DYRK4: variants seen among roughly 807,000 people sequenced by gnomAD.
DYRK4 encodes the protein dual specificity tyrosine-phosphorylation-regulated kinase 4.
In DYRK4, 64 loss-of-function variants were observed where a neutral mutation model predicts 68.3. That is an observed-to-expected ratio of 0.94 (90% CI 0.77 to 1.15). DYRK4 has a LOEUF of 1.15. DYRK4 is among the 50% of genes most tolerant of loss of function. The pLI, the probability that DYRK4 is intolerant of heterozygous loss-of-function variation, is 0.00. For synonymous variants in DYRK4, 274 were observed against 289.9 expected (o/e 0.95, Z 0.56); for missense variants, 740 against 764.7 (o/e 0.97, Z 0.38).
At chr12:4,562,718 A>G (rs181225076) in intron 1 of DYRK4, among the ~76,000 whole-genome samples, 3 of 152,282 alleles carry the variant, frequency 2.0e-5, no homozygotes, top group Admixed American at 2.0e-4. Context: ...CCTCGCGTGG[A>G]TGAGGCTCTG....
At chr12:4,581,362 G>T (rs550061086) in intron 2 of DYRK4, among the ~76,000 whole-genome samples, 2 of 152,200 alleles carry the variant, frequency 1.3e-5, no homozygotes, top group South Asian at 2.1e-4. Context: ...TGCCAGACAG[G>T]TTCTTCTTTC....
In DYRK4 at chr12:4,596,202, G is replaced by A. The variant is rs1444427647; in HGVS notation, c.681G>A (p.Lys227=). The change falls in exon 7 of 15, where the codon AAG becomes AAA. Residue 227 remains lysine (K), a synonymous_variant. Transcript: ENST00000543431. ...ATGAAGTTCTGGAGACAATCGGGAA[G>A]GGGTCCTTTGGACAGGTGGCCAAGT... ...YRYEVLETIG[K]GSFGQVAKCL... 3.1e-6 allele frequency: 5 copies of A among 1,614,084 alleles called. No individual in the cohort carries two copies. Among genetic ancestry groups the A allele is most frequent in the Non-Finnish European group, 2.5e-6 (3 of 1,180,046 alleles).
chr12:4,607,338 G>C lies in DYRK4; in HGVS notation c.1311G>C (p.Leu437=), dbSNP rs371657903. The change falls in exon 12 of 15, where the codon CTG becomes CTC. Residue 437 remains leucine (L), a synonymous_variant. Coordinates refer to ENST00000543431, the MANE Select transcript of DYRK4 (RefSeq NM_001394779.1). ...TTATCCTTATTAAGGTGCTGGGTCT[G>C]CCGCCAGCCGGCTTCATTCAGACAG... ...QLACIMEVLG[L]PPAGFIQTAS... is the part of the protein sequence containing the mutation. The C allele has an allele frequency of 3.3e-5, 53 of 1,614,200 alleles. No homozygotes were observed. In the South Asian group the frequency reaches 3.3e-4, roughly 10 times the overall value.
rs181045016 is a variant in DYRK4, at chr12:4,585,676, T to C, written c.133-3261T>C. On this transcript the variant is annotated intron_variant, in intron 2 of 14. Transcript: ENST00000543431. Reference sequence around the variant, plus strand: ...ATAACATTAGGAGATATACCTAATGTAAATGATGAGTTAATGGGTGCAGCA... The same window carrying C: ...ATAACATTAGGAGATATACCTAATGCAAATGATGAGTTAATGGGTGCAGCA... 3.5e-3 allele frequency among the ~76,000 whole-genome samples: 529 copies of C among 152,250 alleles called. 5 individuals carry two copies. The highest frequency in any genetic ancestry group is 0.023 in the Admixed American group (354 of 15,296).
chr12:4,612,691 C>T lies in DYRK4; in HGVS notation c.1639C>T (p.Gln547Ter), dbSNP rs535517489. The T allele has an allele frequency of 6.2e-7, 1 of 1,614,138 alleles. No individual in the cohort carries two copies. Among genetic ancestry groups the T allele is most frequent in the Admixed American group, 1.7e-5 (1 of 60,022 alleles). The change falls in exon 14 of 15, where the codon CAA (glutamine) becomes TAA (stop). Residue 547 changes from glutamine to a stop codon, truncating the protein, a stop_gained. Transcript: ENST00000543431. LOFTEE classifies it low-confidence loss of function (END_TRUNC). ...CTCTGAGACAAGGAAGGACAAGGTTCAAGGCTGTCATCACTCGAGCAGAAA... is the reference window on the plus strand; with the variant it reads ...CTCTGAGACAAGGAAGGACAAGGTTTAAGGCTGTCATCACTCGAGCAGAAA... ...FPSETRKDKV[Q>*]GCHHSSRKDE...
chr12:4,588,169 C>T (rs571303325), intron 2 of DYRK4, among the ~76,000 whole-genome samples: 51 of 152,118 alleles, frequency 3.4e-4, no homozygotes, highest in Admixed American at 1.3e-3. Flanking sequence ...AAGTGATCGT[C>T]CCACCTCAGC....
chr12:4,612,355 A>T (rs183730485), intron 13 of DYRK4, among the ~76,000 whole-genome samples, 188 bp from the exon 14 acceptor site: 2 of 152,234 alleles, frequency 1.3e-5, no homozygotes, highest in Non-Finnish European at 2.9e-5. Flanking sequence ...CACATCTTCT[A>T]AAAAGATTAT....
chr12:4,604,027 C>T (rs2137393321), intron 10 of DYRK4, among the ~76,000 whole-genome samples: 1 of 152,276 alleles, frequency 6.6e-6, no homozygotes, highest in South Asian at 2.1e-4. Context: ...ACATTTTAAC[C>T]TCTGTATGCC....
intron 2 of DYRK4, among the ~76,000 whole-genome samples, chr12:4,574,135 G>T (rs1311338751): frequency 6.6e-6 from 1 of 150,926 alleles, no homozygotes; most frequent in East Asian, 2.0e-4. Context: ...TGAGGCAGGA[G>T]AATTGCTTGA....
In DYRK4 at chr12:4,604,998, G is replaced by A. The variant is rs754106376; in HGVS notation, c.1211G>A (p.Ser404Asn). The change falls in exon 11 of 15, where the codon AGC (serine) becomes AAC (asparagine). Residue 404 changes from serine to asparagine, a missense_variant. Physicochemically the swap from Ser to Asn is conservative, Grantham distance 46. Transcript: ENST00000543431. ...TACGACGTGGCCATTGACATGTGGA[G>A]CCTGGGCTGCATCACGGCGGAGTTG... Reference protein sequence around the residue: ...HPYDVAIDMWSLGCITAELYT... With the variant: ...HPYDVAIDMWNLGCITAELYT... 4 of 1,614,128 alleles carry A rather than the reference G, an allele frequency of 2.5e-6. No homozygotes were observed. The highest frequency in any genetic ancestry group is 1.6e-4 in the Middle Eastern group (1 of 6,062).
rs780398613 is a variant in DYRK4, at chr12:4,607,380, A to G, written c.1353A>G (p.Thr451=). 4 of 1,614,096 alleles carry G rather than the reference A, an allele frequency of 2.5e-6. No individual in the cohort carries two copies. Among genetic ancestry groups the G allele is most frequent in the Non-Finnish European group, 3.4e-6 (4 of 1,180,030 alleles). The change falls in exon 12 of 15, where the codon ACA becomes ACG. Residue 451 remains threonine (T), a synonymous_variant. Coordinates refer to ENST00000543431, the MANE Select transcript of DYRK4 (RefSeq NM_001394779.1). ...TTCAGACAGCCTCCAGGAGACAGAC[A>G]TTCTTTGGTAAGTCCTAGTGTGTCT... ...GFIQTASRRQ[T]FFDSKGFPKN...
In DYRK4 at chr12:4,597,093, G is replaced by A. The variant is rs561700099; in HGVS notation, c.905+364G>A. On this transcript the variant is annotated intron_variant, in intron 8 of 14. Transcript: ENST00000543431. ...TGGCTTTCTGGCCTGGTCGTGCAGA[G>A]GCTGAAACCCAAAGGAACAGGCAGC... 6.4e-5 allele frequency: 70 copies of A among 1,094,358 alleles called. No individual in the cohort carries two copies. The African/African-American group carries it at 1.1e-3, about 18-fold the overall frequency. The allele number at this position is 1,094,358 out of a possible 1,614,324, so 67.8% of individuals were successfully genotyped here. A position where few individuals can be genotyped will look rare whatever the true frequency, so the allele number is the denominator to read the frequency against.
At chr12:4,592,575 C>G (rs1944968744) in intron 5 of DYRK4, 1 of 153,552 alleles carries the variant, frequency 6.5e-6, no homozygotes, top group Non-Finnish European at 1.4e-5. Flanking sequence ...TTTAATGTTG[C>G]CTTTATGTTA....
At chr12:4,609,135 C>T (rs1945188935) in intron 12 of DYRK4, among the ~76,000 whole-genome samples, 1 of 152,162 alleles carries the variant, frequency 6.6e-6, no homozygotes, top group African/African-American at 2.4e-5. Flanking sequence ...TCATAGAGTT[C>T]CTTATTTCTA....
intron 2 of DYRK4, among the ~76,000 whole-genome samples, chr12:4,584,209 A>G (rs1403361895): frequency 1.3e-5 from 2 of 152,184 alleles, no homozygotes; most frequent in Admixed American, 1.3e-4. Context: ...CTTAAAATAC[A>G]GGTTTCTGGG....
rs370360080 is a variant in DYRK4 at position 4,604,920 on chromosome 12, C to T, written c.1133C>T (p.Thr378Met). ...SSCYEHQKVYTYIQSRFYRSP... is the reference protein window; with the variant it reads ...SSCYEHQKVYMYIQSRFYRSP... ...TCTTACTTTGCCTCCGCAGTATACACGTACATCCAAAGCCGGTTCTACCGA... is the reference window on the plus strand; with the variant it reads ...TCTTACTTTGCCTCCGCAGTATACATGTACATCCAAAGCCGGTTCTACCGA... Residue 378 changes from threonine (T) to methionine (M), a missense_variant, in exon 11 of 15, where the codon ACG (threonine) becomes ATG (methionine). Thr to Met is a moderately conservative substitution (Grantham distance 81). Coordinates refer to ENST00000543431, the MANE Select transcript of DYRK4 (RefSeq NM_001394779.1). 6.2e-7 allele frequency: 1 copy of T among 1,607,440 alleles called. No individual in the cohort carries two copies. The highest frequency in any genetic ancestry group is 8.5e-7 in the Non-Finnish European group (1 of 1,176,352).
chr12:4,590,428 C>A lies in DYRK4; in HGVS notation c.312C>A (p.Ser104=), dbSNP rs1260454850. The change falls in exon 4 of 15, where the codon TCC becomes TCA. Residue 104 remains serine (S), a synonymous_variant. Coordinates refer to ENST00000543431, the MANE Select transcript of DYRK4 (RefSeq NM_001394779.1). ...HISKKVLLKS[S]LLYQENQAHN... ...GCAAGAAAGTCCTGCTGAAGTCATC[C>A]CTGCTGTATCAGGTGAGTGCAGACG... 1.3e-6 allele frequency: 2 copies of A among 1,535,754 alleles called. No individual in the cohort carries two copies. The highest frequency in any genetic ancestry group is 1.7e-6 in the Non-Finnish European group (2 of 1,146,814).
chr12:4,567,484 G>A (rs1184627698), intron 1 of DYRK4: 1 of 154,462 alleles, frequency 6.5e-6, no homozygotes, highest in Non-Finnish European at 1.4e-5. Context: ...TTGTCTTGCA[G>A]TAAGTCAATT....
intron 2 of DYRK4, among the ~76,000 whole-genome samples, chr12:4,581,401 G>C (rs1205141951): frequency 6.6e-6 from 1 of 152,202 alleles, no homozygotes; most frequent in Non-Finnish European, 1.5e-5. Context: ...TGTTTCCTTT[G>C]AGTAGCAATT....
Sources: allele counts gnomAD v4.1 joint callset (sites outside exome capture counted in the v4.1 genomes callset), GRCh38; gene constraint gnomAD v4.1.1; transcripts MANE v1.5; gene names NCBI Gene and HGNC (gene_info 2026-07-23, HGNC 2026-07-21).